Variants in SLC67A1 observed in about 807,000 individuals in gnomAD.
SLC67A1 encodes the protein solute carrier family 67 member A1.
chr11:2,917,004 G>A, the SLC67A1 span: 1 of 535,716 alleles, frequency 1.9e-6, no homozygotes, highest in Admixed American at 3.4e-5. Context: ...GCGTTAGGAG[G>A]GGAGGCCCAG....
chr11:2,921,927 T>C, the SLC67A1 span: 1 of 644,346 alleles, frequency 1.6e-6, no homozygotes, highest in Admixed American at 2.6e-5. Flanking sequence ...CAGTCACTGC[T>C]GGCGGAGTAG....
At chr11:2,911,888 C>T in the SLC67A1 span, among the ~76,000 whole-genome samples, 1 of 152,216 alleles carries the variant, frequency 6.6e-6, no homozygotes, top group Non-Finnish European at 1.5e-5. Flanking sequence ...CCAGTAGCTG[C>T]CAAGACGGCC....
the SLC67A1 span, among the ~76,000 whole-genome samples, chr11:2,924,238 G>A: frequency 6.6e-6 from 1 of 152,216 alleles, no homozygotes; most frequent in African/African-American, 2.4e-5. This position sits in a 1 kb window ranked among gnomAD's most constrained non-coding sequence, Gnocchi z 8.6. Flanking sequence ...TGCGCAGGTC[G>A]GGGCTGTCTG....
the SLC67A1 span, among the ~76,000 whole-genome samples, chr11:2,923,107 G>A: frequency 6.6e-6 from 1 of 152,204 alleles, no homozygotes; most frequent in Non-Finnish European, 1.5e-5. The surrounding 1 kb of genome is among the most constrained non-coding windows in gnomAD (Gnocchi z 6.5). Context: ...CATGCAGACT[G>A]GGGGTGTCCT....
the SLC67A1 span, chr11:2,909,317 G>T: frequency 1.3e-6 from 2 of 1,533,254 alleles, no homozygotes; most frequent in African/African-American, 1.4e-5. Context: ...CCTGCTCTTC[G>T]CCTCGCGCCT....
the SLC67A1 span, among the ~76,000 whole-genome samples, chr11:2,906,275 C>T: frequency 6.6e-6 from 1 of 152,188 alleles, no homozygotes; most frequent in Non-Finnish European, 1.5e-5. Flanking sequence ...GTTGGTGGGA[C>T]TGTAAACTAG....
chr11:2,910,415 T>C, the SLC67A1 span, among the ~76,000 whole-genome samples: 1 of 152,006 alleles, frequency 6.6e-6, no homozygotes, highest in African/African-American at 2.4e-5. Flanking sequence ...GCTCGATGGA[T>C]GGGATCACTA....
chr11:2,924,991 AC>A, the SLC67A1 span: 3 of 1,590,656 alleles, frequency 1.9e-6, no homozygotes, highest in Non-Finnish European at 2.6e-6. This position sits in a 1 kb window ranked among gnomAD's most constrained non-coding sequence, Gnocchi z 8.6. Context: ...GGGCCTGACT[AC>A]CCCCATGCAC....
At chr11:2,909,284 A>G in the SLC67A1 span, 3 of 1,534,580 alleles carry the variant, frequency 2.0e-6, no homozygotes, top group Non-Finnish European at 2.6e-6. Flanking sequence ...GGCCGCCTCC[A>G]GCCCGGCCCT....
the SLC67A1 span, chr11:2,914,571 A>T: frequency 3.4e-6 from 1 of 292,698 alleles, no homozygotes; most frequent in South Asian, 1.3e-4. Context: ...CTGACTCCCT[A>T]CCTCCTGGGG....
chr11:2,902,194 G>C, the SLC67A1 span: 1 of 152,256 alleles, frequency 6.6e-6, no homozygotes, highest in Non-Finnish European at 1.5e-5. Flanking sequence ...CCCGGAACTG[G>C]CGATTGCAAA....
the SLC67A1 span, among the ~76,000 whole-genome samples, chr11:2,912,640 G>A: frequency 1.3e-5 from 2 of 152,170 alleles, no homozygotes; most frequent in Admixed American, 6.5e-5. Context: ...GCGGGGGCGG[G>A]CACTGGTATA....
chr11:2,910,086 G>T, the SLC67A1 span, among the ~76,000 whole-genome samples: 1 of 152,194 alleles, frequency 6.6e-6, no homozygotes, highest in Admixed American at 6.5e-5. Context: ...TGAGCTGTTG[G>T]ACGGTGCCCA....
chr11:2,924,543 G>C, the SLC67A1 span, among the ~76,000 whole-genome samples: 1 of 152,216 alleles, frequency 6.6e-6, no homozygotes, highest in African/African-American at 2.4e-5. This position sits in a 1 kb window ranked among gnomAD's most constrained non-coding sequence, Gnocchi z 8.6. Flanking sequence ...AGAGCCGTGA[G>C]AGCCAGCTCC....
chr11:2,922,697 T>TGGGGTCTGTGTGGAGTGGGTGGGGGGGGG, the SLC67A1 span: 1 of 11,442 alleles, frequency 8.7e-5, no homozygotes. Context: ...GTGGAGTGGG[T>TGGGGTCTGTGTGGAGTGGGTGGGGGGGGG]GGGGTGGGGG....
At chr11:2,909,717 G>T in the SLC67A1 span, 1 of 1,501,528 alleles carries the variant, frequency 6.7e-7, no homozygotes. Flanking sequence ...ACGGGTGAGT[G>T]GTGGGGGCCG....
chr11:2,911,348 G>A, the SLC67A1 span, among the ~76,000 whole-genome samples: 16 of 151,994 alleles, frequency 1.1e-4, no homozygotes, highest in East Asian at 3.9e-4. Flanking sequence ...ACTGCTGGGA[G>A]GGTGTCCCTG....
chr11:2,921,045 C>A, the SLC67A1 span: 1 of 140,872 alleles, frequency 7.1e-6, no homozygotes, highest in Non-Finnish European at 1.5e-5. Context: ...ATGGTGAAAC[C>A]CCGTCTCTAC....
the SLC67A1 span, among the ~76,000 whole-genome samples, chr11:2,904,953 A>G: frequency 5.9e-5 from 9 of 152,068 alleles, no homozygotes; most frequent in Non-Finnish European, 8.8e-5. Context: ...AGGTGGCTGG[A>G]TTTTGCATGT....
Sources: gnomAD v4.1 joint callset for allele counts (sites outside exome capture counted in the v4.1 genomes callset) on GRCh38, gnomAD v4.1.1 for gene constraint, Gnocchi (gnomAD v3.1) non-coding constraint, MANE v1.5 for transcripts, NCBI Gene and HGNC (gene_info 2026-07-23, HGNC 2026-07-21) for gene names.